The following BOD1L1 variants were observed in gnomAD, a reference collection of about 807,000 sequenced individuals.
BOD1L1 encodes biorientation of chromosomes in cell division 1 like 1.
BOD1L1 carries 86 observed loss-of-function variants against 240.7 expected under a neutral mutation model. The observed-to-expected ratio is 0.36, with a 90% CI of 0.30 to 0.43. BOD1L1 has a LOEUF of 0.43. Ranked by LOEUF, BOD1L1 falls within the 20% of genes least tolerant of loss-of-function variation. The pLI is 1.00. For missense variants in BOD1L1, 3,554 were observed against 3,643.5 expected, an observed-to-expected ratio of 0.98 and a Z score of 0.63; for synonymous variants, 1,268 against 1,272.3, an observed-to-expected ratio of 1.00 and a Z score of 0.07.
chr4:13,599,807 C>T lies in BOD1L1; in HGVS notation c.7093G>A (p.Ala2365Thr), dbSNP rs751193131. Residue 2365 changes from alanine to threonine, a missense_variant, in exon 10 of 26, where the codon GCC becomes ACC. By Grantham distance (58) the Ala-to-Thr change is moderately conservative. Transcript: ENST00000040738. ...DNPEGNGDLSATEVSKHKVPM... is the reference protein window; with the variant it reads ...DNPEGNGDLSTTEVSKHKVPM... ...ACCTTGTGCTTGCTCACTTCTGTGG[C>T]TGACAGGTCACCGTTCCCTTCTGGG... 2.5e-6 allele frequency: 4 copies of T among 1,613,924 alleles called. No individual in the cohort carries two copies. The South Asian group carries it at 4.4e-5, about 18-fold the overall frequency.
intron 21 of BOD1L1, 137 bp downstream of exon 21, chr4:13,580,883 A>C (rs930673686): frequency 2.7e-6 from 2 of 743,400 alleles, no homozygotes; most frequent in Non-Finnish European, 4.2e-6. Flanking sequence ...CTAGTAATCA[A>C]AATATATGAA....
At position 13,601,762 on chromosome 4, in the gene BOD1L1, T is replaced by A; in HGVS notation, c.5138A>T (p.Asn1713Ile). The change falls in exon 10 of 26, where the codon AAT becomes ATT. Residue 1713 changes from asparagine (N) to isoleucine (I), a missense_variant. By Grantham distance (149) the Asn-to-Ile change is moderately radical (BLOSUM62 -3). This residue lies in a region of BOD1L1 where 3,393 missense variants were observed against 3,427.1 expected (regional missense o/e 0.99). Transcript: ENST00000040738. ...TTTTTTGGGACCCATTCTCATCATA[T>A]TTCCCTGGGAGCCATCCACCTCTTC... is the stretch of plus-strand genomic sequence containing the variant. ...SSEEVDGSQG[N>I]MMRMGPKKET... is the part of the protein sequence containing the mutation. 6.2e-7 allele frequency: 1 copy of A among 1,613,972 alleles called. No individual in the cohort carries two copies. Among genetic ancestry groups the A allele is most frequent in the Non-Finnish European group, 8.5e-7 (1 of 1,179,872 alleles).
Position 13,601,374 on chromosome 4 carries a change from T to C in BOD1L1, c.5526A>G (p.Pro1842=). 1 of 1,614,080 alleles carries C rather than the reference T, an allele frequency of 6.2e-7. No individual in the cohort carries two copies. Among genetic ancestry groups the C allele is most frequent in the East Asian group, 2.2e-5 (1 of 44,888 alleles). Residue 1842 remains proline, a synonymous_variant, in exon 10 of 26, where the codon CCA becomes CCG. Transcript: ENST00000040738. ...STVAKEGTNV[P]LVAAGPCDDE... is the part of the protein sequence containing the mutation. ...CATCACAAGGACCAGCAGCAACTAA[T>C]GGTACATTAGTGCCTTCTTTGGCCA... is the stretch of plus-strand genomic sequence containing the variant.
chr4:13,581,682 G>A (rs1713242150), intron 19 of BOD1L1, among the ~76,000 whole-genome samples: 1 of 152,152 alleles, frequency 6.6e-6, no homozygotes, highest in Admixed American at 6.5e-5. Context: ...GATTTATGGT[G>A]CTCAGTCTCA....
At chr4:13,616,703 A>G (rs1304499521) in intron 2 of BOD1L1, among the ~76,000 whole-genome samples, 1 of 152,144 alleles carries the variant, frequency 6.6e-6, no homozygotes, top group Non-Finnish European at 1.5e-5. Flanking sequence ...TTCCATCTGG[A>G]GTGCAGGATG....
Position 13,576,833 on chromosome 4 carries a change from A to G in BOD1L1, c.9038+5T>C. 1 of 1,612,864 alleles carries G rather than the reference A, an allele frequency of 6.2e-7. No individual in the cohort carries two copies. The highest frequency in any genetic ancestry group is 1.7e-4 in the Middle Eastern group (1 of 5,994). On this transcript the variant is annotated splice_donor_5th_base_variant and intron_variant, in intron 25 of 25. Coordinates refer to ENST00000040738, the MANE Select transcript of BOD1L1 (RefSeq NM_148894.3). ...TCTCTGGCAGCTCTGTGCTGCCCCC[A>G]TTACCTCTGAGCCTCTGATCTGGTG...
In BOD1L1 at chr4:13,580,989, T is replaced by C. The variant is rs766090833; in HGVS notation, c.8703+31A>G. The C allele has an allele frequency of 5.8e-6, 9 of 1,557,648 alleles. No homozygotes were observed. In the South Asian group the frequency reaches 1.1e-4, roughly 19 times the overall value. On this transcript the variant is annotated intron_variant, in intron 21 of 25. Transcript: ENST00000040738. The stretch of plus-strand genomic sequence containing the variant: ...CCGTTTTTCAGGTTAAGAGCAAGTA[T>C]TTGAAATTGTCATGTTTTGCAATTA...
chr4:13,600,705 T>A lies in BOD1L1; in HGVS notation c.6195A>T (p.Lys2065Asn), dbSNP rs148838992. Residue 2065 changes from lysine (K) to asparagine (N), a missense_variant, in exon 10 of 26, where the codon AAA becomes AAT. Around this residue, in one of 2 missense-constraint regions of BOD1L1, gnomAD observed 3,393 missense variants for 3,427.1 expected, o/e 0.99. Coordinates refer to ENST00000040738, the MANE Select transcript of BOD1L1 (RefSeq NM_148894.3). ...AAATAATCAAAACTTTGCCTTGATTTTTACCCCCTGCTAAGCTATTCTGGT... is the reference window on the plus strand; with the variant it reads ...AAATAATCAAAACTTTGCCTTGATTATTACCCCCTGCTAAGCTATTCTGGT... ...ITNQNSLAGG[K>N]NQGKVLIIST... is the part of the protein sequence containing the mutation. The A allele has an allele frequency of 2.5e-4, 408 of 1,613,870 alleles. No homozygotes were observed. Among genetic ancestry groups the A allele is most frequent in the Middle Eastern group, 1.6e-3 (10 of 6,084 alleles).
chr4:13,588,919 C>T, intron 14 of BOD1L1, 127 bp from the exon 15 acceptor site: 1 of 584,232 alleles, frequency 1.7e-6, no homozygotes, highest in Non-Finnish European at 2.9e-6. Context: ...CAGTTATATA[C>T]AGGGCATTGT....
intron 5 of BOD1L1, among the ~76,000 whole-genome samples, chr4:13,612,187 A>C (rs1224317787): frequency 6.6e-6 from 1 of 152,162 alleles, no homozygotes; most frequent in African/African-American, 2.4e-5. Context: ...GAAGAAAAAA[A>C]AATGGGAGGC....
intron 17 of BOD1L1, among the ~76,000 whole-genome samples, chr4:13,585,997 G>C (rs982496898): frequency 3.3e-4 from 51 of 152,294 alleles, no homozygotes; most frequent in African/African-American, 9.4e-4. Context: ...CATGAGAACA[G>C]ACTAATACAG....
chr4:13,601,214 C>T lies in BOD1L1; in HGVS notation c.5686G>A (p.Val1896Ile). Residue 1896 changes from valine (V) to isoleucine (I), a missense_variant, in exon 10 of 26, where the codon GTC becomes ATC. This residue lies in a region of BOD1L1 where 3,393 missense variants were observed against 3,427.1 expected (regional missense o/e 0.99). Coordinates refer to ENST00000040738, the MANE Select transcript of BOD1L1 (RefSeq NM_148894.3). The part of the protein sequence containing the change: ...CTGLGEESEG[V>I]LICESAEGDS... Reference sequence around the variant, plus strand: ...CCTTCTGCACTTTCACAAATCAAGACCCCTTCACTTTCTTCTCCTAACCCT... The same window carrying T: ...CCTTCTGCACTTTCACAAATCAAGATCCCTTCACTTTCTTCTCCTAACCCT... 6.2e-7 allele frequency: 1 copy of T among 1,613,994 alleles called. No homozygotes were observed. Among genetic ancestry groups the T allele is most frequent in the Middle Eastern group, 1.6e-4 (1 of 6,062 alleles).
intron 25 of BOD1L1, among the ~76,000 whole-genome samples, chr4:13,575,953 A>G (rs1560177415): frequency 8.4e-6 from 1 of 118,390 alleles, no homozygotes; most frequent in Non-Finnish European, 1.6e-5. Context: ...ACCAGGCTGG[A>G]GTGCAGTGGA....
chr4:13,623,682 G>C (rs1226558969), intron 1 of BOD1L1: 1 of 152,210 alleles, frequency 6.6e-6, no homozygotes, highest in African/African-American at 2.4e-5. Context: ...ATGGTCTTCT[G>C]GTGTAGCAGC....
rs771206879 is a variant in BOD1L1 at position 13,600,320 on chromosome 4, T to C, written c.6580A>G (p.Met2194Val). 6 of 1,614,082 alleles carry C rather than the reference T, an allele frequency of 3.7e-6. No homozygotes were observed. The highest frequency in any genetic ancestry group is 1.3e-5 in the African/African-American group (1 of 75,080). The change falls in exon 10 of 26, where the codon ATG (methionine) becomes GTG (valine). Residue 2194 changes from methionine (M) to valine (V), a missense_variant. Physicochemically the swap from Met to Val is conservative, Grantham distance 21. Transcript: ENST00000040738. Reference protein sequence around the residue: ...LISTADFEGPMPSAPPEAESP... With the variant: ...LISTADFEGPVPSAPPEAESP... Reference sequence around the variant, plus strand: ...TCAGCTTCTGGGGGCGCACTGGGCATAGGCCCCTCAAAGTCGGCGGTGCTT... The same window carrying C: ...TCAGCTTCTGGGGGCGCACTGGGCACAGGCCCCTCAAAGTCGGCGGTGCTT...
chr4:13,603,558 G>C lies in BOD1L1; in HGVS notation c.3342C>G (p.Ile1114Met). 1 of 1,613,990 alleles carries C rather than the reference G, an allele frequency of 6.2e-7. No homozygotes were observed. Among genetic ancestry groups the C allele is most frequent in the Non-Finnish European group, 8.5e-7 (1 of 1,179,888 alleles). The change falls in exon 10 of 26, where the codon ATC becomes ATG. Residue 1114 changes from isoleucine (I) to methionine (M), a missense_variant. Physicochemically the swap from Ile to Met is conservative, Grantham distance 10 (BLOSUM62 1). Around this residue, in one of 2 missense-constraint regions of BOD1L1, gnomAD observed 3,393 missense variants for 3,427.1 expected, o/e 0.99. Coordinates refer to ENST00000040738, the MANE Select transcript of BOD1L1 (RefSeq NM_148894.3). ...RPKKSGDMTL[I>M]PEQEPMEIDS... ...CAATTTCCATTGGCTCTTGTTCAGG[G>C]ATCAATGTCATATCACCACTCTTTT...
At position 13,570,035 on chromosome 4, in the gene BOD1L1, G is replaced by A. The variant is rs1446978295; in HGVS notation, c.9132C>T (p.Ala3044=). 6.9e-6 allele frequency: 11 copies of A among 1,603,598 alleles called. No homozygotes were observed. The Admixed American group carries it at 6.9e-5, about 10-fold the overall frequency. Residue 3044 remains alanine, a synonymous_variant, in exon 26 of 26, where the codon GCC becomes GCT. Coordinates refer to ENST00000040738, the MANE Select transcript of BOD1L1 (RefSeq NM_148894.3). ...ATTATCGCTTCGCTTTTTTCACAGG[G>A]GCTTCCTCCACCCTTTGCTGGCCTC... ...RTRGQQRVEE[A]PVKKAKR is the part of the protein sequence containing the mutation.
chr4:13,622,675 A>G (rs1717120281), intron 1 of BOD1L1, among the ~76,000 whole-genome samples: 1 of 152,212 alleles, frequency 6.6e-6, no homozygotes, highest in South Asian at 2.1e-4. Context: ...TGTCTGAATT[A>G]TAACAACTGG....
chr4:13,620,977 A>G (rs561769323), intron 1 of BOD1L1, among the ~76,000 whole-genome samples: 18 of 152,160 alleles, frequency 1.2e-4, no homozygotes, highest in Non-Finnish European at 4.4e-5. Context: ...TGAGAGTGCT[A>G]TTGGCATCTA....
Sources: gnomAD v4.1 joint callset for allele counts (sites outside exome capture counted in the v4.1 genomes callset) on GRCh38, gnomAD v4.1.1 for gene constraint, gnomAD v4.1.1 regional missense constraint, MANE v1.5 for transcripts, NCBI Gene and HGNC (gene_info 2026-07-23, HGNC 2026-07-21) for gene names.